The following SUGCT variants were observed in gnomAD, a reference collection of about 807,000 sequenced individuals.
The protein encoded by SUGCT is succinyl-CoA:glutarate-CoA transferase, also known as succinyl-CoA:glutarate CoA-transferase.
SUGCT carries 41 observed loss-of-function variants against 55.0 expected under a neutral mutation model. The observed-to-expected ratio is 0.74, with a 90% CI of 0.58 to 0.97. SUGCT has a LOEUF of 0.97. Among genes scored for constraint, SUGCT ranks in the 50% least tolerant of loss-of-function variants. SUGCT has a pLI of 0.00. For synonymous variants in SUGCT, 187 were observed against 200.4 expected (o/e 0.93, Z 0.56); for missense variants, 568 against 547.8 (o/e 1.04, Z -0.37).
intron 12 of SUGCT, among the ~76,000 whole-genome samples, chr7:40,582,200 A>G (rs1797136799): frequency 6.6e-6 from 1 of 152,148 alleles, no homozygotes; most frequent in African/African-American, 2.4e-5. Context: ...TAAGGTCATC[A>G]CAGATTACAA....
At chr7:40,217,009 TC>T (rs934849262) in intron 6 of SUGCT, among the ~76,000 whole-genome samples, 12 of 151,502 alleles carry the variant, frequency 7.9e-5, no homozygotes, top group South Asian at 4.2e-4. Flanking sequence ...TGCTGGCATT[TC>T]CCCCCCCTCA....
chr7:40,376,942 AT>A (rs201329457), intron 9 of SUGCT, among the ~76,000 whole-genome samples: 3 of 150,924 alleles, frequency 2.0e-5, no homozygotes, highest in Admixed American at 6.6e-5. Flanking sequence ...CAGTTTATAT[AT>A]TTTTTCCCCC....
chr7:40,201,162 G>C (rs922330083), intron 6 of SUGCT, among the ~76,000 whole-genome samples: 5 of 152,054 alleles, frequency 3.3e-5, no homozygotes, highest in African/African-American at 1.2e-4. Flanking sequence ...AGACTAGAGA[G>C]AGGGAAAATA....
chr7:40,754,411 A>G (rs1788157233), intron 13 of SUGCT, among the ~76,000 whole-genome samples: 1 of 152,194 alleles, frequency 6.6e-6, no homozygotes, highest in Admixed American at 6.5e-5. Context: ...ACCTGTATTG[A>G]GTGCTAAAAC....
chr7:40,351,429 A>G (rs1554318959), intron 9 of SUGCT, among the ~76,000 whole-genome samples: 2 of 152,104 alleles, frequency 1.3e-5, no homozygotes, highest in Non-Finnish European at 2.9e-5. Flanking sequence ...AATAAAACAA[A>G]CTTCCTAATT....
intron 9 of SUGCT, among the ~76,000 whole-genome samples, chr7:40,322,758 G>T (rs1283333156): frequency 6.6e-6 from 1 of 152,090 alleles, no homozygotes; most frequent in African/African-American, 2.4e-5. Flanking sequence ...TTTGAGACCA[G>T]CCTGGGCAAC....
intron 12 of SUGCT, among the ~76,000 whole-genome samples, chr7:40,630,592 T>C (rs1456965472): frequency 6.6e-6 from 1 of 152,164 alleles, no homozygotes; most frequent in Non-Finnish European, 1.5e-5. Context: ...AGAAGAGCAC[T>C]CTTAGGACAT....
chr7:40,481,436 G>A (rs1197704166), intron 11 of SUGCT, among the ~76,000 whole-genome samples: 2 of 151,478 alleles, frequency 1.3e-5, no homozygotes, highest in African/African-American at 4.8e-5. Flanking sequence ...GTAGAATAAA[G>A]CAAATGAGAA....
intron 13 of SUGCT, among the ~76,000 whole-genome samples, chr7:40,759,516 A>G (rs1376460219): frequency 6.6e-6 from 1 of 152,182 alleles, no homozygotes; most frequent in Non-Finnish European, 1.5e-5. Context: ...TAATGTTGCT[A>G]TACCAACCAA....
chr7:40,720,236 A>G (rs1013769295), intron 12 of SUGCT, among the ~76,000 whole-genome samples: 1 of 152,206 alleles, frequency 6.6e-6, no homozygotes, highest in African/African-American at 2.4e-5. Context: ...ATTCTTATCT[A>G]TTAACCAAGG....
chr7:40,803,247 A>G (rs1479524244), intron 13 of SUGCT, among the ~76,000 whole-genome samples: 1 of 152,186 alleles, frequency 6.6e-6, no homozygotes, highest in Non-Finnish European at 1.5e-5. Context: ...GTAATAATGA[A>G]AAGTAGCAAC....
chr7:40,763,324 A>C (rs1788630353), intron 13 of SUGCT, among the ~76,000 whole-genome samples: 1 of 152,134 alleles, frequency 6.6e-6, no homozygotes, highest in South Asian at 2.1e-4. Flanking sequence ...TTCACAGGTG[A>C]GCAAACTGAG....
chr7:40,363,911 G>T (rs943807591), intron 9 of SUGCT, among the ~76,000 whole-genome samples: 2 of 152,090 alleles, frequency 1.3e-5, no homozygotes, highest in African/African-American at 4.8e-5. Context: ...TTGACAATGG[G>T]GTGTTAAAGT....
chr7:40,441,850 G>C (rs1220493755), intron 9 of SUGCT, among the ~76,000 whole-genome samples: 2 of 152,108 alleles, frequency 1.3e-5, no homozygotes, highest in East Asian at 3.9e-4. Context: ...GAGGGAGAGG[G>C]ATTTGGTGCT....
intron 13 of SUGCT, among the ~76,000 whole-genome samples, chr7:40,844,032 G>A (rs1310291854): frequency 2.0e-5 from 3 of 152,042 alleles, no homozygotes; most frequent in Non-Finnish European, 4.4e-5. Flanking sequence ...GCAGGAACCA[G>A]GGCAAATCAA....
intron 9 of SUGCT, among the ~76,000 whole-genome samples, chr7:40,318,688 C>G (rs1359609659): frequency 6.6e-6 from 1 of 152,208 alleles, no homozygotes. Flanking sequence ...CCACCTGCCT[C>G]GTCCTCCCAA....
intron 12 of SUGCT, among the ~76,000 whole-genome samples, chr7:40,559,948 G>C (rs1377318679): frequency 6.6e-6 from 1 of 152,142 alleles, no homozygotes; most frequent in Non-Finnish European, 1.5e-5. Context: ...CAAAAGTTTT[G>C]GTATCTGGAT....
chr7:40,997,967 T>A, the SUGCT span, among the ~76,000 whole-genome samples: 1 of 152,180 alleles, frequency 6.6e-6, no homozygotes, highest in Non-Finnish European at 1.5e-5. Flanking sequence ...GCTCACCAGC[T>A]ACTCCTCGGA....
At chr7:40,931,091 A>G in the SUGCT span, among the ~76,000 whole-genome samples, 1 of 152,152 alleles carries the variant, frequency 6.6e-6, no homozygotes, top group Non-Finnish European at 1.5e-5. Flanking sequence ...TTTGAGATAC[A>G]TTCCATCCAT....
Sources: allele counts gnomAD v4.1 joint callset (sites outside exome capture counted in the v4.1 genomes callset), GRCh38; gene constraint gnomAD v4.1.1; transcripts MANE v1.5; gene names NCBI Gene and HGNC (gene_info 2026-07-23, HGNC 2026-07-21).